SLC8A1: variants seen among roughly 807,000 people sequenced by gnomAD.
SLC8A1 encodes the protein sodium/calcium exchanger 1.
SLC8A1 carries 18 observed loss-of-function variants against 68.3 expected under a neutral mutation model. The observed-to-expected ratio is 0.26, with a 90% CI of 0.18 to 0.39. The LOEUF (loss-of-function observed/expected upper bound fraction) is 0.39, where lower values mean the gene tolerates loss of function less well. SLC8A1 is among the 10% of genes least tolerant of loss of function. The pLI is 1.00. For synonymous variants in SLC8A1, 475 were observed against 415.5 expected, an observed-to-expected ratio of 1.14 and a Z score of -1.74; for missense variants, 985 against 1,156.7, an observed-to-expected ratio of 0.85 and a Z score of 2.15.
At chr2:40,332,211 G>A (rs2076488207) in intron 2 of SLC8A1, among the ~76,000 whole-genome samples, 1 of 152,102 alleles carries the variant, frequency 6.6e-6, no homozygotes, top group Non-Finnish European at 1.5e-5. Flanking sequence ...CTTTCTAAAT[G>A]TCACAGGCTA....
chr2:40,149,319 C>G (rs1297744074), intron 6 of SLC8A1, among the ~76,000 whole-genome samples: 1 of 152,178 alleles, frequency 6.6e-6, no homozygotes, highest in Non-Finnish European at 1.5e-5. Context: ...TCCCTGATCT[C>G]ATAGAATTTC....
intron 2 of SLC8A1, among the ~76,000 whole-genome samples, chr2:40,222,793 A>C (rs533999154): frequency 5.3e-4 from 81 of 152,372 alleles, no homozygotes; most frequent in African/African-American, 1.9e-3. Context: ...GTCATTAGAG[A>C]AATGCAAATC....
chr2:40,236,762 T>C (rs1486565506), intron 2 of SLC8A1, among the ~76,000 whole-genome samples: 2 of 152,004 alleles, frequency 1.3e-5, no homozygotes, highest in South Asian at 2.1e-4. Flanking sequence ...CCATGTTTAG[T>C]GCTTCCTTCA....
chr2:40,423,783 A>T (rs193297813), intron 2 of SLC8A1, among the ~76,000 whole-genome samples: 139 of 152,124 alleles, frequency 9.1e-4, no homozygotes, highest in African/African-American at 3.3e-3. Context: ...TCAGACTCAT[A>T]AATGTTTTTT....
At chr2:40,366,844 G>A (rs564024753) in intron 2 of SLC8A1, among the ~76,000 whole-genome samples, 2 of 151,090 alleles carry the variant, frequency 1.3e-5, no homozygotes, top group East Asian at 1.9e-4. Context: ...TTTTGCCATC[G>A]CCAAGAAATT....
chr2:40,440,450 A>G (rs571242683), intron 1 of SLC8A1, among the ~76,000 whole-genome samples: 1 of 152,330 alleles, frequency 6.6e-6, no homozygotes, highest in African/African-American at 2.4e-5. Context: ...ATTTTCATCA[A>G]TATCAATGAT....
At chr2:40,117,052 C>T (rs934984569) in intron 7 of SLC8A1, 1 of 152,168 alleles carries the variant, frequency 6.6e-6, no homozygotes, top group Non-Finnish European at 1.5e-5. Flanking sequence ...TGAAATACTA[C>T]ATGTAAATAA....
At chr2:40,421,848 G>A (rs1695591410) in intron 2 of SLC8A1, among the ~76,000 whole-genome samples, 1 of 152,196 alleles carries the variant, frequency 6.6e-6, no homozygotes, top group Non-Finnish European at 1.5e-5. Context: ...AAGGGCCCTG[G>A]CTTGGCTCAA....
At chr2:40,475,907 C>T (rs1704276321) in intron 1 of SLC8A1, among the ~76,000 whole-genome samples, 1 of 151,946 alleles carries the variant, frequency 6.6e-6, no homozygotes, top group Non-Finnish European at 1.5e-5. Flanking sequence ...TTCTATGATG[C>T]ATCACATCAT....
intron 2 of SLC8A1, among the ~76,000 whole-genome samples, chr2:40,379,294 G>A (rs1680942648): frequency 6.6e-6 from 1 of 152,070 alleles, no homozygotes; most frequent in African/African-American, 2.4e-5. Flanking sequence ...ACCACACTTT[G>A]AAAACTACTG....
intron 2 of SLC8A1, among the ~76,000 whole-genome samples, chr2:40,331,391 T>G (rs1330012676): frequency 1.3e-5 from 2 of 152,156 alleles, no homozygotes; most frequent in Non-Finnish European, 2.9e-5. Context: ...CTACTATATT[T>G]GGTACTTGTC....
intron 2 of SLC8A1, among the ~76,000 whole-genome samples, chr2:40,428,120 T>C (rs895630262): frequency 3.3e-5 from 5 of 152,142 alleles, no homozygotes; most frequent in African/African-American, 7.2e-5. Flanking sequence ...TTTCTGAGTA[T>C]ATACCATGTG....
At chr2:40,382,518 C>A (rs1682182061) in intron 2 of SLC8A1, among the ~76,000 whole-genome samples, 1 of 152,044 alleles carries the variant, frequency 6.6e-6, no homozygotes, top group African/African-American at 2.4e-5. Context: ...AAGAAACAAG[C>A]AGAATGCCTT....
intron 2 of SLC8A1, among the ~76,000 whole-genome samples, chr2:40,313,339 T>C (rs1208894685): frequency 6.6e-6 from 1 of 152,116 alleles, no homozygotes; most frequent in African/African-American, 2.4e-5. Context: ...TGATTACTTA[T>C]TCACTTGCTA....
chr2:40,396,297 G>T (rs889964587), intron 2 of SLC8A1, among the ~76,000 whole-genome samples: 22 of 152,086 alleles, frequency 1.4e-4, no homozygotes, highest in African/African-American at 5.1e-4. Flanking sequence ...GCAGTAACTT[G>T]AAGAGCGCTG....
intron 2 of SLC8A1, among the ~76,000 whole-genome samples, chr2:40,255,459 G>C (rs2063756594): frequency 6.6e-6 from 1 of 152,176 alleles, no homozygotes; most frequent in Admixed American, 6.5e-5. Context: ...ATTTTGTACA[G>C]AGAACATCTC....
chr2:40,264,426 A>G (rs2065095322), intron 2 of SLC8A1, among the ~76,000 whole-genome samples: 1 of 152,124 alleles, frequency 6.6e-6, no homozygotes, highest in Non-Finnish European at 1.5e-5. Context: ...CACTATTCAC[A>G]ATAGCAAAGA....
chr2:40,265,327 T>A (rs762006264), intron 2 of SLC8A1, among the ~76,000 whole-genome samples: 4 of 152,198 alleles, frequency 2.6e-5, no homozygotes, highest in Non-Finnish European at 5.9e-5. Context: ...TCAGGTCTTA[T>A]GGTATTAAGG....
At chr2:40,387,806 A>T (rs1684036150) in intron 2 of SLC8A1, among the ~76,000 whole-genome samples, 1 of 151,848 alleles carries the variant, frequency 6.6e-6, no homozygotes, top group Non-Finnish European at 1.5e-5. Context: ...GTGTGGTGGC[A>T]TGTGCCTGTA....
Sources: gnomAD v4.1 joint callset for allele counts (sites outside exome capture counted in the v4.1 genomes callset) on GRCh38, gnomAD v4.1.1 for gene constraint, MANE v1.5 for transcripts, NCBI Gene and HGNC (gene_info 2026-07-23, HGNC 2026-07-21) for gene names.